Variants in SPMAP2L observed in about 807,000 individuals in gnomAD.
The protein encoded by SPMAP2L is sperm microtubule associated protein 2-like.
the SPMAP2L span, among the ~76,000 whole-genome samples, chr4:56,531,535 A>C: frequency 1.3e-5 from 2 of 152,130 alleles, no homozygotes; most frequent in Non-Finnish European, 2.9e-5. Flanking sequence ...TAGAGCACTT[A>C]AGATCTTGTA....
At chr4:56,581,103 T>C in the SPMAP2L span, among the ~76,000 whole-genome samples, 137 of 151,698 alleles carry the variant, frequency 9.0e-4, no homozygotes, top group African/African-American at 3.1e-3. Flanking sequence ...TTGCAGGGAA[T>C]AGGGAAGGAG....
chr4:56,608,360 A>G, the SPMAP2L span, among the ~76,000 whole-genome samples: 4 of 152,224 alleles, frequency 2.6e-5, no homozygotes, highest in Non-Finnish European at 5.9e-5. Flanking sequence ...AGAGAACACC[A>G]AGAGTGTGAC....
the SPMAP2L span, among the ~76,000 whole-genome samples, chr4:56,583,133 G>A: frequency 6.6e-6 from 1 of 152,070 alleles, no homozygotes; most frequent in South Asian, 2.1e-4. Flanking sequence ...AATTAGCCAG[G>A]CATGGTGGTG....
the SPMAP2L span, among the ~76,000 whole-genome samples, chr4:56,574,922 C>T: frequency 2.6e-5 from 4 of 151,384 alleles, no homozygotes; most frequent in African/African-American, 9.7e-5. Context: ...GTTGAGGCTG[C>T]AGTGAGCCCG....
chr4:56,577,224 G>A, the SPMAP2L span, among the ~76,000 whole-genome samples: 1 of 151,748 alleles, frequency 6.6e-6, no homozygotes, highest in Non-Finnish European at 1.5e-5. Flanking sequence ...GGCCAACATG[G>A]TGAAACCTCA....
chr4:56,626,115 G>A, the SPMAP2L span, among the ~76,000 whole-genome samples: 1 of 152,310 alleles, frequency 6.6e-6, no homozygotes, highest in Middle Eastern at 3.4e-3. Context: ...ATGAGACATA[G>A]GACAGATAAG....
the SPMAP2L span, among the ~76,000 whole-genome samples, chr4:56,585,864 T>G: frequency 3.3e-5 from 5 of 152,324 alleles, no homozygotes; most frequent in Middle Eastern, 6.8e-3. Context: ...ATTAATGCCT[T>G]TAAATCTAAT....
chr4:56,606,503 C>T, the SPMAP2L span, among the ~76,000 whole-genome samples: 2 of 150,978 alleles, frequency 1.3e-5, no homozygotes, highest in Admixed American at 6.6e-5. Context: ...CCTGATGAGA[C>T]TTCATTTTTC....
At chr4:56,590,340 C>G in the SPMAP2L span, among the ~76,000 whole-genome samples, 7 of 152,176 alleles carry the variant, frequency 4.6e-5, no homozygotes, top group African/African-American at 1.7e-4. Flanking sequence ...ATTCCTGCAT[C>G]CCTGGTGTGA....
chr4:56,541,363 C>T, the SPMAP2L span, among the ~76,000 whole-genome samples: 1 of 151,904 alleles, frequency 6.6e-6, no homozygotes, highest in Non-Finnish European at 1.5e-5. Flanking sequence ...AATATTTATT[C>T]CTAATGTCAG....
chr4:56,585,489 G>A, the SPMAP2L span, among the ~76,000 whole-genome samples: 1 of 152,110 alleles, frequency 6.6e-6, no homozygotes, highest in African/African-American at 2.4e-5. Context: ...GACTACAGGT[G>A]TCTGCCACCA....
At chr4:56,603,219 C>T in the SPMAP2L span, 9 of 1,528,998 alleles carry the variant, frequency 5.9e-6, no homozygotes, top group South Asian at 3.6e-5. Context: ...GGCTCCTGTG[C>T]GTATTGTGTA....
At chr4:56,582,301 T>C in the SPMAP2L span, among the ~76,000 whole-genome samples, 1 of 152,162 alleles carries the variant, frequency 6.6e-6, no homozygotes, top group East Asian at 1.9e-4. Flanking sequence ...ATCATATATC[T>C]GATCAGGGAC....
the SPMAP2L span, among the ~76,000 whole-genome samples, chr4:56,537,818 G>A: frequency 2.0e-5 from 3 of 151,726 alleles, no homozygotes; most frequent in South Asian, 2.1e-4. Flanking sequence ...TCAGCCTCCC[G>A]AGTAGCTGGG....
At chr4:56,553,564 T>A in the SPMAP2L span, among the ~76,000 whole-genome samples, 2 of 151,732 alleles carry the variant, frequency 1.3e-5, no homozygotes, top group Non-Finnish European at 2.9e-5. Context: ...TACAGAAAAA[T>A]TGAGCAGAAA....
chr4:56,537,944 C>T, the SPMAP2L span, among the ~76,000 whole-genome samples: 3 of 152,082 alleles, frequency 2.0e-5, no homozygotes, highest in Non-Finnish European at 4.4e-5. Context: ...CTGCCCGCCT[C>T]GGCCCCCCAA....
the SPMAP2L span, among the ~76,000 whole-genome samples, chr4:56,558,119 C>T: frequency 1.3e-5 from 2 of 152,132 alleles, no homozygotes; most frequent in African/African-American, 2.4e-5. Flanking sequence ...CAGGCATCCA[C>T]CATCATGCCC....
the SPMAP2L span, among the ~76,000 whole-genome samples, chr4:56,542,772 G>A: frequency 2.0e-5 from 3 of 152,176 alleles, no homozygotes; most frequent in African/African-American, 7.2e-5. Context: ...TGTGGGGAAT[G>A]TAAGATTGAT....
chr4:56,555,815 CA>C, the SPMAP2L span, among the ~76,000 whole-genome samples: 1 of 152,012 alleles, frequency 6.6e-6, no homozygotes, highest in Non-Finnish European at 1.5e-5. Context: ...CTGTATCTTG[CA>C]ACTTTGCTAT....
Sources: allele counts gnomAD v4.1 joint callset (sites outside exome capture counted in the v4.1 genomes callset), GRCh38; gene constraint gnomAD v4.1.1; transcripts MANE v1.5; gene names NCBI Gene and HGNC (gene_info 2026-07-23, HGNC 2026-07-21).